Variants in SENP3 observed in about 807,000 individuals in gnomAD.
SENP3 encodes SUMO specific peptidase 3.
SENP3 carries 11 observed loss-of-function variants against 66.2 expected under a neutral mutation model. The observed-to-expected ratio is 0.17, with a 90% confidence interval of 0.10 to 0.28. The LOEUF (loss-of-function observed/expected upper bound fraction) is 0.28. Among genes scored for constraint, SENP3 ranks in the 10% least tolerant of loss-of-function variants. The probability of loss-of-function intolerance (pLI) is 1.00; values close to 1 mark genes in which losing one functional copy is unlikely to be tolerated. For missense variants in SENP3, 548 were observed against 743.7 expected (o/e 0.74, Z 3.06); for synonymous variants, 292 against 277.6 (o/e 1.05, Z -0.52).
chr17:7,568,482 G>T (rs984454308), intron 7 of SENP3, among the ~76,000 whole-genome samples: 1 of 152,164 alleles, frequency 6.6e-6, no homozygotes, highest in African/African-American at 2.4e-5. Flanking sequence ...TGTAGTCCCC[G>T]GGAGGCTGAG....
In SENP3 at chr17:7,570,276, C is replaced by T; in HGVS notation, c.1342-80C>T. 6.5e-7 allele frequency: 1 copy of T among 1,533,410 alleles called. No individual in the cohort carries two copies. The highest frequency in any genetic ancestry group is 2.3e-5 in the East Asian group (1 of 43,986). The allele number at this position is 1,533,410 out of a possible 1,614,324, so 95.0% of individuals were successfully genotyped here. A position where few individuals can be genotyped will look rare whatever the true frequency, so the allele number is the denominator to read the frequency against. On this transcript the variant is annotated intron_variant, in intron 7 of 10. Transcript: ENST00000321337. This position sits in a 1 kb window ranked among gnomAD's most constrained non-coding sequence, Gnocchi z 5.4. Reference sequence around the variant, plus strand: ...TTTCACTTGGTTCCCTTACCTGTGTCTCTGTTCCTCTCTAGAACCTTCATG... The same window carrying T: ...TTTCACTTGGTTCCCTTACCTGTGTTTCTGTTCCTCTCTAGAACCTTCATG...
In SENP3 at chr17:7,570,945, A is replaced by AT; in HGVS notation, c.1614+13dup. On this transcript the variant is annotated intron_variant, in intron 10 of 10. Transcript: ENST00000321337. This position sits in a 1 kb window ranked among gnomAD's most constrained non-coding sequence, Gnocchi z 5.4. ...CTTTTGTGTTGCAGGTAAGCAGATGATGGGGCCACCTCCCCTAGCTCTGAA... is the reference window on the plus strand; with the variant it reads ...CTTTTGTGTTGCAGGTAAGCAGATGATTGGGGCCACCTCCCCTAGCTCTGAA... 6.2e-7 allele frequency: 1 copy of AT among 1,612,384 alleles called. No homozygotes were observed. Among genetic ancestry groups the AT allele is most frequent in the Non-Finnish European group, 8.5e-7 (1 of 1,179,048 alleles).
At chr17:7,566,191 A>G (rs1438766647) in intron 6 of SENP3, 1 of 162,748 alleles carries the variant, frequency 6.1e-6, no homozygotes, top group East Asian at 1.7e-4. Flanking sequence ...AAAATACAAA[A>G]TTAGCCGGGC....
chr17:7,565,108 G>T, intron 4 of SENP3, 38 bp downstream of exon 4: 1 of 1,434,474 alleles, frequency 7.0e-7, no homozygotes, highest in Non-Finnish European at 9.8e-7. Flanking sequence ...AAGGGCTGGG[G>T]CCTTGGGGAT....
intron 6 of SENP3, chr17:7,566,077 C>A (rs1031480255): frequency 8.0e-6 from 2 of 248,602 alleles, no homozygotes; most frequent in African/African-American, 2.2e-5. Context: ...CATGGTAGCT[C>A]ATGCCTGTAA....
chr17:7,565,973 G>C, intron 6 of SENP3: 1 of 529,248 alleles, frequency 1.9e-6, no homozygotes, highest in Non-Finnish European at 3.4e-6. Flanking sequence ...AGTGTTTTTC[G>C]CTATGGCCAG....
intron 4 of SENP3, 36 bp from the exon 5 acceptor site, chr17:7,565,404 T>G (rs753711185): frequency 9.3e-6 from 15 of 1,610,304 alleles, no homozygotes; most frequent in Non-Finnish European, 1.3e-5. Flanking sequence ...CCCAGCTGCA[T>G]CATCTTTTGT....
Position 7,563,419 on chromosome 17 carries a change from C to G in SENP3, c.343C>G (p.Arg115Gly). Reference protein sequence around the residue: ...LGTSQRPRPSRPTHRKTCSQR... With the variant: ...LGTSQRPRPSGPTHRKTCSQR... ...AACCTCCCAGCGGCCCCGCCCTTCCCGCCCCACTCATCGAAAAACCTGCTC... is the reference window on the plus strand; with the variant it reads ...AACCTCCCAGCGGCCCCGCCCTTCCGGCCCCACTCATCGAAAAACCTGCTC... Residue 115 changes from arginine to glycine, a missense_variant, in exon 2 of 11, where the codon CGC (arginine) becomes GGC (glycine). Transcript: ENST00000321337. 6.5e-7 allele frequency: 1 copy of G among 1,550,110 alleles called. No individual in the cohort carries two copies. Among genetic ancestry groups the G allele is most frequent in the Non-Finnish European group, 8.7e-7 (1 of 1,146,476 alleles).
At position 7,570,631 on chromosome 17, in the gene SENP3, G is replaced by A; in HGVS notation, c.1480-50G>A. ...GCCAGCACTGTACCCACCATACTGTGTTCAATTGAGAAACTTAGGGCATCA... is the reference window on the plus strand; with the variant it reads ...GCCAGCACTGTACCCACCATACTGTATTCAATTGAGAAACTTAGGGCATCA... On this transcript the variant is annotated intron_variant, in intron 8 of 10. Transcript: ENST00000321337. The surrounding 1 kb of genome is among the most constrained non-coding windows in gnomAD (Gnocchi z 5.4). The A allele has an allele frequency of 1.9e-6, 3 of 1,590,668 alleles. No individual in the cohort carries two copies. Among genetic ancestry groups the A allele is most frequent in the Non-Finnish European group, 8.6e-7 (1 of 1,166,926 alleles).
Position 7,571,945 on chromosome 17 carries a change from T to C in SENP3, c.*462T>C, listed in dbSNP as rs2071329594. 7.4e-6 allele frequency: 1 copy of C among 135,116 alleles called. No homozygotes were observed. Among genetic ancestry groups the C allele is most frequent in the South Asian group, 2.5e-4 (1 of 3,984 alleles). The allele number at this position is 135,116 out of a possible 1,614,324, so 8.4% of individuals were successfully genotyped here. A position where few individuals can be genotyped will look rare whatever the true frequency, so the allele number is the denominator to read the frequency against. On this transcript the variant is annotated 3_prime_UTR_variant, in exon 11 of 11. Transcript: ENST00000321337. ...AATGCCACGGTCCTGCTCTGGTCAA[T>C]AAAGGATCCTTTGTTGATACGTAAG...
At position 7,571,555 on chromosome 17, in the gene SENP3, T is replaced by C; in HGVS notation, c.*72T>C. The C allele has an allele frequency of 1.0e-6, 1 of 1,003,740 alleles. No individual in the cohort carries two copies. The highest frequency in any genetic ancestry group is 1.6e-6 in the Non-Finnish European group (1 of 639,968). 62.2% of individuals were successfully genotyped at this position (1,003,740 alleles called of 1,614,324 possible). A position where few individuals can be genotyped will look rare whatever the true frequency, so the allele number is the denominator to read the frequency against. ...GGAGTCCCTTCCCAAGAAACTCCAG[T>C]TCCTTTCCTCTCTTGCCTCTTCCCA... is the stretch of plus-strand genomic sequence containing the variant. On this transcript the variant is annotated 3_prime_UTR_variant, in exon 11 of 11. Coordinates refer to ENST00000321337, the MANE Select transcript of SENP3 (RefSeq NM_015670.6).
Position 7,563,410 on chromosome 17 carries a change from C to T in SENP3, c.334C>T (p.Arg112Cys). The T allele has an allele frequency of 2.4e-6, 3 of 1,259,644 alleles. No homozygotes were observed. The highest frequency in any genetic ancestry group is 3.3e-6 in the Non-Finnish European group (3 of 898,734). The allele number at this position is 1,259,644 out of a possible 1,614,324, so 78.0% of individuals were successfully genotyped here. Residue 112 changes from arginine to cysteine, a missense_variant, in exon 2 of 11, where the codon CGC (arginine) becomes TGC (cysteine). This residue lies in a region of SENP3 where 164 missense variants were observed against 167.9 expected (regional missense o/e 0.98). Transcript: ENST00000321337. ...TCAGCTGGGAACCTCCCAGCGGCCC[C>T]GCCCTTCCCGCCCCACTCATCGAAA... is the stretch of plus-strand genomic sequence containing the variant. ...WSQLGTSQRP[R>C]PSRPTHRKTC...
chr17:7,571,596 T>G lies in SENP3; in HGVS notation c.*113T>G. ...CCTCTTCCCACTCACTTCCCTTTGG[T>G]TTTTCATATTTAAATGTTTCAATTT... is the stretch of plus-strand genomic sequence containing the variant. On this transcript the variant is annotated 3_prime_UTR_variant, in exon 11 of 11. Coordinates refer to ENST00000321337, the MANE Select transcript of SENP3 (RefSeq NM_015670.6). 1 of 664,512 alleles carries G rather than the reference T, an allele frequency of 1.5e-6. No homozygotes were observed. The highest frequency in any genetic ancestry group is 2.6e-6 in the Non-Finnish European group (1 of 382,014). The allele number at this position is 664,512 out of a possible 1,614,324, so 41.2% of individuals were successfully genotyped here.
chr17:7,570,412 G>T lies in SENP3; in HGVS notation c.1398G>T (p.Trp466Cys). The T allele has an allele frequency of 6.2e-7, 1 of 1,613,820 alleles. No homozygotes were observed. ...TCCCCATCCACCTGGAGGTGCATTG[G>T]TCCCTCATCTCTGTTGATGTGAGGC... is the stretch of plus-strand genomic sequence containing the variant. Reference protein sequence around the residue: ...LLIPIHLEVHWSLISVDVRRR... With the variant: ...LLIPIHLEVHCSLISVDVRRR... The change falls in exon 8 of 11, where the codon TGG becomes TGT. Residue 466 changes from tryptophan (W) to cysteine (C), a missense_variant. Around this residue, in one of 6 missense-constraint regions of SENP3, gnomAD observed 81 missense variants for 139.8 expected, o/e 0.58. Transcript: ENST00000321337. The surrounding 1 kb of genome is among the most constrained non-coding windows in gnomAD (Gnocchi z 5.4).
Position 7,570,923 on chromosome 17 carries a change from T to C in SENP3, c.1604T>C (p.Phe535Ser). Reference protein sequence around the residue: ...RQNNDSDCGAFVLQYCKHLAL... With the variant: ...RQNNDSDCGASVLQYCKHLAL... ...AATAATGACAGTGACTGTGGTGCTT[T>C]TGTGTTGCAGGTAAGCAGATGATGG... Residue 535 changes from phenylalanine to serine, a missense_variant, in exon 10 of 11, where the codon TTT (phenylalanine) becomes TCT (serine). By Grantham distance (155) the Phe-to-Ser change is radical. Transcript: ENST00000321337. This position sits in a 1 kb window ranked among gnomAD's most constrained non-coding sequence, Gnocchi z 5.4. The C allele has an allele frequency of 6.2e-7, 1 of 1,613,498 alleles. No individual in the cohort carries two copies. The highest frequency in any genetic ancestry group is 8.5e-7 in the Non-Finnish European group (1 of 1,179,690).
chr17:7,563,921 A>G lies in SENP3; in HGVS notation c.715+130A>G, dbSNP rs55738870. Reference sequence around the variant, plus strand: ...AGTAGGATGGAAGAGTGCCGGCTCCAGAAGAGCTGCGAAATGTCTCCATTA... The same window carrying G: ...AGTAGGATGGAAGAGTGCCGGCTCCGGAAGAGCTGCGAAATGTCTCCATTA... On this transcript the variant is annotated intron_variant, in intron 2 of 10. Transcript: ENST00000321337. 3,804 of 787,590 alleles carry G rather than the reference A, an allele frequency of 4.8e-3. 20 individuals carry two copies. The highest frequency in any genetic ancestry group is 6.5e-3 in the Non-Finnish European group (3,355 of 512,998). The allele number at this position is 787,590 out of a possible 1,614,324, so 48.8% of individuals were successfully genotyped here.
rs933746693 is a variant in SENP3 at position 7,570,584 on chromosome 17, G to A, written c.1479+91G>A. 6.4e-7 allele frequency: 1 copy of A among 1,566,828 alleles called. No individual in the cohort carries two copies. Among genetic ancestry groups the A allele is most frequent in the Admixed American group, 1.9e-5 (1 of 53,012 alleles). ...GAAGGGTGGGCTTTGGGTCTTTGAG[G>A]GGCGACCTGGGCATGGTGTCTGCCA... On this transcript the variant is annotated intron_variant, in intron 8 of 10. Transcript: ENST00000321337. The surrounding 1 kb of genome is among the most constrained non-coding windows in gnomAD (Gnocchi z 5.4).
chr17:7,566,859 A>T, intron 6 of SENP3, 68 bp from the exon 7 acceptor site: 1 of 1,098,844 alleles, frequency 9.1e-7, no homozygotes, highest in Non-Finnish European at 1.4e-6. Context: ...TGGACTGAGG[A>T]GGGGAGACTT....
rs1329723111 is a variant in SENP3, at chr17:7,571,366, C to T, written c.1615-7C>T. On this transcript the variant is annotated splice_polypyrimidine_tract_variant and splice_region_variant and intron_variant, in intron 10 of 10. Coordinates refer to ENST00000321337, the MANE Select transcript of SENP3 (RefSeq NM_015670.6). ...GGTTTCTCATGGCTTGCTTTGTTAA[C>T]ACCCAGTACTGCAAGCATCTGGCCC... 6.2e-7 allele frequency: 1 copy of T among 1,607,970 alleles called. No individual in the cohort carries two copies. The highest frequency in any genetic ancestry group is 8.5e-7 in the Non-Finnish European group (1 of 1,174,626).
Sources: gnomAD v4.1 joint callset for allele counts (sites outside exome capture counted in the v4.1 genomes callset) on GRCh38, gnomAD v4.1.1 for gene constraint, gnomAD v4.1.1 regional missense constraint, Gnocchi (gnomAD v3.1) non-coding constraint, MANE v1.5 for transcripts, NCBI Gene and HGNC (gene_info 2026-07-23, HGNC 2026-07-21) for gene names.